SLC71A1: variants seen among roughly 807,000 people sequenced by gnomAD.
The protein encoded by SLC71A1 is solute carrier family 71 member 1.
chr1:100,082,503 T>C, the SLC71A1 span: 3 of 340,636 alleles, frequency 8.8e-6, no homozygotes, highest in African/African-American at 6.4e-5. Flanking sequence ...ACTTCTTAGA[T>C]ATTAGCAAAT....
the SLC71A1 span, among the ~76,000 whole-genome samples, chr1:100,054,055 T>C: frequency 2.7e-5 from 4 of 150,568 alleles, no homozygotes; most frequent in South Asian, 8.4e-4. Flanking sequence ...TTTTTTTTTT[T>C]CATTGAGACG....
the SLC71A1 span, among the ~76,000 whole-genome samples, chr1:100,048,821 A>G: frequency 6.6e-6 from 1 of 152,202 alleles, no homozygotes; most frequent in African/African-American, 2.4e-5. Flanking sequence ...CTCAAAGACA[A>G]TACAAATGTT....
At chr1:100,064,122 T>C in the SLC71A1 span, among the ~76,000 whole-genome samples, 2 of 152,290 alleles carry the variant, frequency 1.3e-5, no homozygotes, top group South Asian at 4.2e-4. Flanking sequence ...TGTGTGTGTA[T>C]GTATGTGTGT....
At chr1:100,079,338 A>G in the SLC71A1 span, 1 of 151,816 alleles carries the variant, frequency 6.6e-6, no homozygotes, top group Non-Finnish European at 1.5e-5. Context: ...TAACACAGCA[A>G]CATCTTTAAT....
At chr1:100,045,881 C>G in the SLC71A1 span, among the ~76,000 whole-genome samples, 1 of 152,204 alleles carries the variant, frequency 6.6e-6, no homozygotes, top group African/African-American at 2.4e-5. Flanking sequence ...ATGTTTTCTT[C>G]TAGTCGTTTG....
the SLC71A1 span, chr1:100,077,191 G>A: frequency 8.5e-6 from 13 of 1,537,398 alleles, no homozygotes; most frequent in South Asian, 1.3e-4. Flanking sequence ...TACTTATGAG[G>A]TCAATTGGAA....
the SLC71A1 span, chr1:100,061,768 T>C: frequency 6.4e-5 from 65 of 1,021,808 alleles, no homozygotes; most frequent in African/African-American, 5.8e-4. Flanking sequence ...AATTAACTTA[T>C]AAAAATGAAA....
At chr1:100,073,959 A>T in the SLC71A1 span, among the ~76,000 whole-genome samples, 1 of 152,232 alleles carries the variant, frequency 6.6e-6, no homozygotes, top group Non-Finnish European at 1.5e-5. Context: ...TATTATTGAG[A>T]ATATTATAAC....
At chr1:100,059,895 T>C in the SLC71A1 span, 3 of 1,611,500 alleles carry the variant, frequency 1.9e-6, no homozygotes, top group Non-Finnish European at 1.7e-6. Context: ...TGTCATTCCT[T>C]AGTGCCCCGC....
the SLC71A1 span, among the ~76,000 whole-genome samples, chr1:100,077,784 T>C: frequency 6.6e-6 from 1 of 152,164 alleles, no homozygotes; most frequent in African/African-American, 2.4e-5. Context: ...TGACGCTTGT[T>C]GTCAGGCTGC....
At chr1:100,068,908 A>G in the SLC71A1 span, among the ~76,000 whole-genome samples, 3 of 152,092 alleles carry the variant, frequency 2.0e-5, no homozygotes, top group Non-Finnish European at 4.4e-5. Context: ...ACTTGAACCC[A>G]GGAGGCGGAG....
At chr1:100,053,352 CTG>C in the SLC71A1 span, among the ~76,000 whole-genome samples, 9 of 152,212 alleles carry the variant, frequency 5.9e-5, no homozygotes, top group South Asian at 1.7e-3. Flanking sequence ...TCTTAAAAGT[CTG>C]TTAATCTTTA....
chr1:100,044,915 A>G, the SLC71A1 span, among the ~76,000 whole-genome samples: 1 of 152,128 alleles, frequency 6.6e-6, no homozygotes, highest in African/African-American at 2.4e-5. Context: ...AGCCTTTTGT[A>G]TAATTTAAAG....
the SLC71A1 span, chr1:100,081,927 T>C: frequency 9.2e-7 from 1 of 1,091,854 alleles, no homozygotes; most frequent in Non-Finnish European, 1.4e-6. Context: ...CATAAGTTAA[T>C]ACTAAAAGGT....
chr1:100,059,068 C>A, the SLC71A1 span, among the ~76,000 whole-genome samples: 415 of 151,216 alleles, frequency 2.7e-3, 3 homozygotes, highest in African/African-American at 9.7e-3. Flanking sequence ...TACTAAAAAA[C>A]CCCCATCAAT....
chr1:100,068,093 T>G, the SLC71A1 span: 2 of 1,614,210 alleles, frequency 1.2e-6, no homozygotes, highest in Non-Finnish European at 1.7e-6. Flanking sequence ...CTTTGCTAGA[T>G]ATTTGTTTTA....
the SLC71A1 span, among the ~76,000 whole-genome samples, chr1:100,077,874 G>A: frequency 6.6e-6 from 1 of 152,270 alleles, no homozygotes; most frequent in African/African-American, 2.4e-5. Flanking sequence ...ACAACTGACT[G>A]CCTCGTCTCT....
the SLC71A1 span, among the ~76,000 whole-genome samples, chr1:100,074,303 G>A: frequency 5.3e-5 from 8 of 152,148 alleles, no homozygotes; most frequent in South Asian, 2.1e-4. Context: ...GGCCGGGCAC[G>A]GTGGCCCACA....
At chr1:100,067,050 C>T in the SLC71A1 span, among the ~76,000 whole-genome samples, 12 of 150,502 alleles carry the variant, frequency 8.0e-5, no homozygotes, top group Middle Eastern at 6.9e-3. Flanking sequence ...GTTGCCCAGG[C>T]TGGTCACAAA....
Sources: gnomAD v4.1 joint callset for allele counts (sites outside exome capture counted in the v4.1 genomes callset) on GRCh38, gnomAD v4.1.1 for gene constraint, MANE v1.5 for transcripts, NCBI Gene and HGNC (gene_info 2026-07-23, HGNC 2026-07-21) for gene names.